Variants in ATP9A observed in about 807,000 individuals in gnomAD.
The protein encoded by ATP9A is ATPase phospholipid transporting 9A, also known as probable phospholipid-transporting ATPase IIA.
Under a neutral mutation model 144.1 loss-of-function variants are expected in ATP9A, and 52 were observed. That is an observed-to-expected ratio of 0.36 (90% CI 0.29 to 0.45). ATP9A has a LOEUF of 0.45. Ranked by LOEUF, ATP9A falls within the 20% of genes least tolerant of loss-of-function variation. The pLI is 1.00. For missense variants in ATP9A, 947 were observed against 1,392.7 expected (o/e 0.68, Z 5.09); for synonymous variants, 582 against 557.4 (o/e 1.04, Z -0.62).
intron 13 of ATP9A, among the ~76,000 whole-genome samples, chr20:51,664,215 T>C (rs1019109771): frequency 6.6e-6 from 1 of 151,970 alleles, no homozygotes; most frequent in African/African-American, 2.4e-5. Context: ...TCTATATATA[T>C]TGATCTTTGT....
In ATP9A at chr20:51,598,185, AAGAG is replaced by A. The variant is rs1334952000; in HGVS notation, c.*3022_*3025del. 1.1e-5 allele frequency: 1 copy of A among 92,528 alleles called. No homozygotes were observed. Among genetic ancestry groups the A allele is most frequent in the Non-Finnish European group, 2.2e-5 (1 of 45,934 alleles). 5.7% of individuals were successfully genotyped at this position (92,528 alleles called of 1,614,324 possible). On this transcript the variant is annotated 3_prime_UTR_variant, in exon 28 of 28. Transcript: ENST00000338821. ...CTGGTGATTTTCTTAGAGAAAAAAA[AAGAG>A]AGACAAAAAGGAAGGGGTGGGGGGA...
intron 14 of ATP9A, among the ~76,000 whole-genome samples, chr20:51,642,435 A>G (rs2077323442): frequency 6.6e-6 from 1 of 152,142 alleles, no homozygotes; most frequent in Non-Finnish European, 1.5e-5. Context: ...CTGGGATTAC[A>G]GCCATGGGCC....
At position 51,682,553 on chromosome 20, in the gene ATP9A, A is replaced by G. The variant is rs1218797054; in HGVS notation, c.800-6345T>C. On this transcript the variant is annotated intron_variant, in intron 9 of 27. Transcript: ENST00000338821. ...ATTTGACCCAGACATCCTCTGCTCT[A>G]AAGTGTGTTGCTTTTCACTGTATCT... 8.9e-5 allele frequency among the ~76,000 whole-genome samples: 11 copies of G among 123,046 alleles called. No homozygotes were observed. In the Admixed American group the frequency reaches 9.7e-4, roughly 11 times the overall value. 80.7% of individuals were successfully genotyped at this position (123,046 alleles called of 152,430 possible). A position where few individuals can be genotyped will look rare whatever the true frequency, so the allele number is the denominator to read the frequency against.
chr20:51,767,860 G>A (rs1254753647), intron 1 of ATP9A, among the ~76,000 whole-genome samples: 1 of 152,238 alleles, frequency 6.6e-6, no homozygotes, highest in African/African-American at 2.4e-5. Flanking sequence ...CCCCCTAAAA[G>A]CTGAGCATAT....
chr20:51,634,996 C>A (rs945559297), intron 15 of ATP9A, among the ~76,000 whole-genome samples: 1 of 149,358 alleles, frequency 6.7e-6, no homozygotes, highest in Non-Finnish European at 1.5e-5. Context: ...CAATGCCCCC[C>A]ACCTCCTGGT....
At chr20:51,715,825 G>A (rs1190125251) in intron 3 of ATP9A, among the ~76,000 whole-genome samples, 1 of 152,114 alleles carries the variant, frequency 6.6e-6, no homozygotes, top group Non-Finnish European at 1.5e-5. Context: ...TTAGAAAGAA[G>A]CTTTAATGGG....
At chr20:51,619,680 C>T (rs1308372916) in intron 19 of ATP9A, among the ~76,000 whole-genome samples, 1 of 151,550 alleles carries the variant, frequency 6.6e-6, no homozygotes, top group Non-Finnish European at 1.5e-5. Flanking sequence ...ACCAGCCTGA[C>T]CCACATGGAG....
intron 6 of ATP9A, among the ~76,000 whole-genome samples, chr20:51,694,424 G>A (rs1051218385): frequency 1.3e-5 from 2 of 152,180 alleles, no homozygotes; most frequent in African/African-American, 4.8e-5. Context: ...AGATAGAACG[G>A]GGACGAGCAC....
At chr20:51,636,937 A>G (rs2077294772) in intron 15 of ATP9A, among the ~76,000 whole-genome samples, 1 of 152,136 alleles carries the variant, frequency 6.6e-6, no homozygotes. Flanking sequence ...TAATAATACA[A>G]AAAATTAGCC....
intron 1 of ATP9A, among the ~76,000 whole-genome samples, chr20:51,736,764 T>C (rs1490655176): frequency 6.6e-6 from 1 of 151,962 alleles, no homozygotes; most frequent in Admixed American, 6.6e-5. Context: ...TCAATGAAAC[T>C]GTTATATTAA....
intron 13 of ATP9A, among the ~76,000 whole-genome samples, chr20:51,658,885 T>TTGC (rs2077398560): frequency 4.8e-4 from 1 of 2,074 alleles, no homozygotes; most frequent in African/African-American, 2.0e-3. Context: ...TTAAGACCAC[T>TTGC]GGCGGGGGGG....
chr20:51,653,794 G>A (rs4811209), intron 14 of ATP9A, among the ~76,000 whole-genome samples: 4,099 of 151,548 alleles, frequency 0.027, 77 homozygotes, highest in Admixed American at 0.061. Flanking sequence ...GGCCTGGCAC[G>A]GTGGCTCACG....
At chr20:51,655,341 GC>G in intron 14 of ATP9A, among the ~76,000 whole-genome samples, 1 of 152,310 alleles carries the variant, frequency 6.6e-6, no homozygotes, top group Non-Finnish European at 1.5e-5. Context: ...TAAAATCCCA[GC>G]ACTCTGGGAG....
At chr20:51,760,283 A>G (rs1342349741) in intron 1 of ATP9A, among the ~76,000 whole-genome samples, 2 of 152,168 alleles carry the variant, frequency 1.3e-5, no homozygotes, top group Non-Finnish European at 2.9e-5. Context: ...GGTTTTTAAA[A>G]AACAGAAACA....
intron 13 of ATP9A, among the ~76,000 whole-genome samples, chr20:51,667,490 G>T (rs1407654521): frequency 1.3e-5 from 2 of 152,196 alleles, no homozygotes; most frequent in Non-Finnish European, 2.9e-5. Flanking sequence ...ATTTGGGGTT[G>T]GTGGCTCCGA....
chr20:51,752,996 G>A (rs1390159619), intron 1 of ATP9A, among the ~76,000 whole-genome samples: 1 of 152,082 alleles, frequency 6.6e-6, no homozygotes, highest in Non-Finnish European at 1.5e-5. Flanking sequence ...CAGCTACTTG[G>A]GAGGCTGAGG....
chr20:51,660,638 TTTAA>T (rs1342346911), intron 13 of ATP9A, among the ~76,000 whole-genome samples: 2 of 152,220 alleles, frequency 1.3e-5, no homozygotes, highest in Admixed American at 6.5e-5. Context: ...AACTGCTTCT[TTTAA>T]TTGTTAAATA....
At chr20:51,767,210 G>A (rs2077908558) in intron 1 of ATP9A, among the ~76,000 whole-genome samples, 1 of 151,838 alleles carries the variant, frequency 6.6e-6, no homozygotes, top group East Asian at 1.9e-4. Context: ...GAGAGGACCA[G>A]ACGCCCGAGG....
chr20:51,749,038 A>G (rs1601143668), intron 1 of ATP9A, among the ~76,000 whole-genome samples: 1 of 152,282 alleles, frequency 6.6e-6, no homozygotes, highest in Non-Finnish European at 1.5e-5. Context: ...CTACAGTACT[A>G]TTCAATTTAA....
Sources: allele counts gnomAD v4.1 joint callset (sites outside exome capture counted in the v4.1 genomes callset), GRCh38; gene constraint gnomAD v4.1.1; transcripts MANE v1.5; gene names NCBI Gene and HGNC (gene_info 2026-07-23, HGNC 2026-07-21).